ZNF227: variants seen among roughly 807,000 people sequenced by gnomAD.
The protein encoded by ZNF227 is zinc finger protein 227.
A neutral mutation model predicts 13.2 loss-of-function variants in ZNF227; 12 were observed. That is an observed-to-expected ratio of 0.91 (90% CI 0.58 to 1.47). The LOEUF is 1.47. ZNF227 is among the 40% of genes most tolerant of loss of function. The pLI is 0.00. For synonymous variants in ZNF227, 338 were observed against 326.0 expected, an observed-to-expected ratio of 1.04 and a Z score of -0.40; for missense variants, 885 against 967.5, an observed-to-expected ratio of 0.91 and a Z score of 1.13.
At chr19:44,219,332 TC>T (rs1272647028) in intron 3 of ZNF227, among the ~76,000 whole-genome samples, 3 of 152,144 alleles carry the variant, frequency 2.0e-5, no homozygotes, top group East Asian at 1.9e-4. Context: ...GTTTTAAATT[TC>T]CCTACAGCAA....
intron 3 of ZNF227, among the ~76,000 whole-genome samples, chr19:44,224,261 G>C (rs952691222): frequency 3.3e-5 from 5 of 152,182 alleles, no homozygotes; most frequent in Non-Finnish European, 7.3e-5. Flanking sequence ...TTGGGGTGGA[G>C]AGTTCTGTAG....
intron 5 of ZNF227, among the ~76,000 whole-genome samples, chr19:44,230,232 C>T (rs1434231272): frequency 6.6e-6 from 1 of 152,108 alleles, no homozygotes; most frequent in African/African-American, 2.4e-5. Flanking sequence ...CCAGGCTGGT[C>T]TCAAACTCCT....
intron 3 of ZNF227, among the ~76,000 whole-genome samples, chr19:44,223,939 C>A (rs181697716): frequency 2.0e-5 from 3 of 152,054 alleles, no homozygotes; most frequent in East Asian, 3.9e-4. Context: ...GCTTTGAATG[C>A]GTCCCAGAGA....
chr19:44,216,814 G>C (rs1297515617), intron 2 of ZNF227, among the ~76,000 whole-genome samples: 1 of 152,102 alleles, frequency 6.6e-6, no homozygotes, highest in Non-Finnish European at 1.5e-5. Flanking sequence ...ACTGATAACA[G>C]TGTCAGTAAA....
intron 3 of ZNF227, among the ~76,000 whole-genome samples, chr19:44,220,450 T>C (rs1000923408): frequency 1.5e-5 from 2 of 134,990 alleles, no homozygotes; most frequent in Admixed American, 7.2e-5. Context: ...TGTTGTTTCC[T>C]TTTTTTTTTT....
chr19:44,228,811 G>A (rs1973470413), intron 4 of ZNF227: 2 of 476,692 alleles, frequency 4.2e-6, no homozygotes, highest in East Asian at 3.4e-5. Flanking sequence ...ATTTGGCAAT[G>A]TCTGGAAATG....
chr19:44,214,327 G>A (rs751467150), intron 2 of ZNF227, among the ~76,000 whole-genome samples: 5 of 151,310 alleles, frequency 3.3e-5, no homozygotes, highest in Non-Finnish European at 7.4e-5. Context: ...AATAGGTTTG[G>A]TATTCTGTGT....
rs1438974449 is a variant in ZNF227 at position 44,236,010 on chromosome 19, A to C, written c.1580A>C (p.Lys527Thr). ...EKRFKCETCG[K>T]GFSQSSKLQT... The stretch of plus-strand genomic sequence containing the variant: ...CGATTCAAGTGTGAAACGTGTGGGA[A>C]GGGCTTCAGTCAGTCCTCAAAGCTT... Residue 527 changes from lysine (K) to threonine (T), a missense_variant, in exon 6 of 6, where the codon AAG becomes ACG. Transcript: ENST00000313040. The C allele has an allele frequency of 1.9e-6, 3 of 1,613,888 alleles. No individual in the cohort carries two copies. Among genetic ancestry groups the C allele is most frequent in the Non-Finnish European group, 2.5e-6 (3 of 1,179,972 alleles).
chr19:44,229,846 G>A (rs373307408), intron 5 of ZNF227, 30 bp downstream of exon 5: 187 of 1,474,932 alleles, frequency 1.3e-4, no homozygotes, highest in Middle Eastern at 5.5e-4. Flanking sequence ...CCCTGTGTCT[G>A]TTCTTTCAGG....
chr19:44,220,765 G>A (rs1026045064), intron 3 of ZNF227, among the ~76,000 whole-genome samples: 9 of 151,912 alleles, frequency 5.9e-5, no homozygotes, highest in Admixed American at 2.0e-4. Flanking sequence ...CCATTAACTC[G>A]TCATTTAGCA....
At chr19:44,229,406 G>A (rs923311723) in intron 4 of ZNF227, among the ~76,000 whole-genome samples, 3 of 152,188 alleles carry the variant, frequency 2.0e-5, no homozygotes, top group African/African-American at 7.2e-5. Context: ...GAGGTCACGA[G>A]TTCAAGACCA....
rs762162162 is a variant in ZNF227 at position 44,235,732 on chromosome 19, A to C, written c.1302A>C (p.Lys434Asn). The C allele has an allele frequency of 6.8e-6, 11 of 1,613,668 alleles. No individual in the cohort carries two copies. The highest frequency in any genetic ancestry group is 9.3e-6 in the Non-Finnish European group (11 of 1,179,924). The change falls in exon 6 of 6, where the codon AAA (lysine) becomes AAC (asparagine). Residue 434 changes from lysine (K) to asparagine (N), a missense_variant. Physicochemically the swap from Lys to Asn is moderately conservative, Grantham distance 94 (BLOSUM62 0). Transcript: ENST00000313040. ...HIHQRVHTGE[K>N]PYKCDVCGKG... ...ATCAGAGAGTCCACACTGGAGAGAA[A>C]CCCTACAAGTGTGATGTGTGTGGTA... is the stretch of plus-strand genomic sequence containing the variant.
chr19:44,228,518 A>G lies in ZNF227; in HGVS notation c.133A>G (p.Arg45Gly), dbSNP rs1471186743. ...EELRLLDLTQ[R>G]KLYRDVMVEN... The stretch of plus-strand genomic sequence containing the variant: ...ACTGCGACTGCTCGATCTTACCCAG[A>G]GGAAGCTGTACCGAGATGTCATGGT... The change falls in exon 4 of 6, where the codon AGG becomes GGG. Residue 45 changes from arginine (R) to glycine (G), a missense_variant. Transcript: ENST00000313040. 2 of 1,613,778 alleles carry G rather than the reference A, an allele frequency of 1.2e-6. No homozygotes were observed. Among genetic ancestry groups the G allele is most frequent in the East Asian group, 2.2e-5 (1 of 44,826 alleles).
intron 3 of ZNF227, among the ~76,000 whole-genome samples, chr19:44,221,614 C>T (rs949694578): frequency 1.3e-5 from 2 of 151,748 alleles, no homozygotes; most frequent in Non-Finnish European, 2.9e-5. Context: ...GGGTTGTTTG[C>T]TTTTTTCTTG....
At chr19:44,222,194 C>T (rs973369146) in intron 3 of ZNF227, among the ~76,000 whole-genome samples, 7 of 151,704 alleles carry the variant, frequency 4.6e-5, no homozygotes, top group South Asian at 4.1e-4. Flanking sequence ...AGTCAGGTAG[C>T]ATGATGCCTC....
At chr19:44,214,369 T>C (rs1240297533) in intron 2 of ZNF227, among the ~76,000 whole-genome samples, 1 of 151,010 alleles carries the variant, frequency 6.6e-6, no homozygotes, top group African/African-American at 2.4e-5. Flanking sequence ...AAAATTTTCT[T>C]TTTTCTTTTT....
intron 3 of ZNF227, 177 bp from the exon 4 acceptor site, chr19:44,228,269 T>G: frequency 1.7e-6 from 1 of 603,986 alleles, no homozygotes. Flanking sequence ...ACTACAGGCT[T>G]TATGGGGATG....
chr19:44,227,086 C>T (rs1973246857), intron 3 of ZNF227: 2 of 152,122 alleles, frequency 1.3e-5, no homozygotes, highest in Admixed American at 1.3e-4. Context: ...CCAAGGAATC[C>T]TGTTGTATGT....
At position 44,234,958 on chromosome 19, in the gene ZNF227, T is replaced by G. The variant is rs1455145502; in HGVS notation, c.528T>G (p.His176Gln). The change falls in exon 6 of 6, where the codon CAT becomes CAG. Residue 176 changes from histidine to glutamine, a missense_variant. By Grantham distance (24) the His-to-Gln change is conservative. Coordinates refer to ENST00000313040, the MANE Select transcript of ZNF227 (RefSeq NM_182490.3). ...AGTTTCCATTTTGGAGAACCCAGCA[T>G]TCTTGCGGGAATACATATCTGAGTG... is the stretch of plus-strand genomic sequence containing the variant. ...NQEFPFWRTQ[H>Q]SCGNTYLSES... 6.2e-7 allele frequency: 1 copy of G among 1,614,084 alleles called. No individual in the cohort carries two copies. The highest frequency in any genetic ancestry group is 8.5e-7 in the Non-Finnish European group (1 of 1,180,020).
Sources: gnomAD v4.1 joint callset for allele counts (sites outside exome capture counted in the v4.1 genomes callset) on GRCh38, gnomAD v4.1.1 for gene constraint, MANE v1.5 for transcripts, NCBI Gene and HGNC (gene_info 2026-07-23, HGNC 2026-07-21) for gene names.